Variants in CNTN4 observed in about 807,000 individuals in gnomAD.
CNTN4 encodes contactin-4.
Under a neutral mutation model 122.5 loss-of-function variants are expected in CNTN4, and 77 were observed. That is an observed-to-expected ratio of 0.63 (90% CI 0.52 to 0.76). The LOEUF (loss-of-function observed/expected upper bound fraction) is 0.76. Among genes scored for constraint, CNTN4 ranks in the 30% least tolerant of loss-of-function variants. The pLI is 0.00. For missense variants in CNTN4, 1,256 were observed against 1,259.1 expected (o/e 1.00, Z 0.04); for synonymous variants, 512 against 447.0 (o/e 1.15, Z -1.83).
chr3:2,512,479 A>AT (rs1394087889), intron 3 of CNTN4, among the ~76,000 whole-genome samples: 1 of 152,180 alleles, frequency 6.6e-6, no homozygotes, highest in South Asian at 2.1e-4. Context: ...TGCTATTAGA[A>AT]TTTAATATTG....
At position 2,638,732 on chromosome 3, in the gene CNTN4, C is replaced by T. The variant is rs537239480; in HGVS notation, c.55+67174C>T. Among the ~76,000 whole-genome samples the T allele has an allele frequency of 6.6e-5, 10 of 152,204 alleles. No homozygotes were observed. In the South Asian group the frequency reaches 2.1e-3, roughly 32 times the overall value. On this transcript the variant is annotated intron_variant, in intron 4 of 24. Transcript: ENST00000418658. ...CTTGTTGACCTGACCTCCTCTTTTT[C>T]TCCCCCAAACCTGTGTCACCTGCAC... is the stretch of plus-strand genomic sequence containing the variant.
intron 2 of CNTN4, among the ~76,000 whole-genome samples, chr3:2,155,659 A>C (rs2035687065): frequency 6.6e-6 from 1 of 152,188 alleles, no homozygotes; most frequent in Non-Finnish European, 1.5e-5. Flanking sequence ...CTATCCAAGC[A>C]CCATGAGATT....
At chr3:2,917,120 C>T (rs1577261979) in intron 12 of CNTN4, among the ~76,000 whole-genome samples, 1 of 137,776 alleles carries the variant, frequency 7.3e-6, no homozygotes, top group Non-Finnish European at 1.6e-5. Flanking sequence ...GCCAACACGG[C>T]GAAACCCCGT....
intron 3 of CNTN4, among the ~76,000 whole-genome samples, chr3:2,532,294 C>T (rs1010726028): frequency 2.0e-5 from 3 of 151,870 alleles, no homozygotes; most frequent in African/African-American, 7.3e-5. Context: ...ACCCTGTCAC[C>T]CTGGGCTGGA....
chr3:2,832,833 A>C (rs2093132867), intron 7 of CNTN4, among the ~76,000 whole-genome samples: 1 of 152,230 alleles, frequency 6.6e-6, no homozygotes, highest in Non-Finnish European at 1.5e-5. Flanking sequence ...CCGTGCAGTC[A>C]ATTTATAGAA....
At chr3:2,207,771 A>G (rs1167843079) in intron 2 of CNTN4, among the ~76,000 whole-genome samples, 3 of 151,978 alleles carry the variant, frequency 2.0e-5, no homozygotes, top group Non-Finnish European at 4.4e-5. Flanking sequence ...TAGATGAAGC[A>G]TCCTTCTATT....
In CNTN4 at chr3:2,866,403, G is replaced by T; in HGVS notation, c.455-349G>T. ...CAGCATTACTATATCAAGATTATAG[G>T]CACCCTGGGTCTGTAATTTGAGCAT... is the stretch of plus-strand genomic sequence containing the variant. On this transcript the variant is annotated intron_variant, in intron 7 of 24. Coordinates refer to ENST00000418658, the MANE Select transcript of CNTN4 (RefSeq NM_175607.3). 1.9e-6 allele frequency: 2 copies of T among 1,058,912 alleles called. 1 individual carries two copies. The highest frequency in any genetic ancestry group is 2.3e-6 in the Non-Finnish European group (2 of 863,794). 65.6% of individuals were successfully genotyped at this position (1,058,912 alleles called of 1,614,324 possible).
chr3:2,683,361 G>T (rs1338202312), intron 4 of CNTN4, among the ~76,000 whole-genome samples: 1 of 151,728 alleles, frequency 6.6e-6, no homozygotes, highest in African/African-American at 2.4e-5. Context: ...CACGCAGGTG[G>T]ATAGTCTCAG....
chr3:2,893,308 A>G (rs945610270), intron 10 of CNTN4, among the ~76,000 whole-genome samples: 2 of 152,220 alleles, frequency 1.3e-5, no homozygotes, highest in African/African-American at 2.4e-5. Context: ...ACAGCAGAGC[A>G]TACTAATTCC....
At chr3:2,675,940 T>G (rs1248490998) in intron 4 of CNTN4, among the ~76,000 whole-genome samples, 1 of 152,186 alleles carries the variant, frequency 6.6e-6, no homozygotes, top group Non-Finnish European at 1.5e-5. Flanking sequence ...TTAGAAAAGT[T>G]AAACAACTCA....
chr3:2,138,488 T>C (rs1413060204), intron 2 of CNTN4, among the ~76,000 whole-genome samples: 3 of 152,154 alleles, frequency 2.0e-5, no homozygotes, highest in Non-Finnish European at 1.5e-5. Context: ...GGATAAAACA[T>C]TGTTTCTGGG....
chr3:2,866,703 G>A (rs780326374), intron 7 of CNTN4, 49 bp from the exon 8 acceptor site: 1 of 1,513,792 alleles, frequency 6.6e-7, no homozygotes, highest in Admixed American at 1.7e-5. Flanking sequence ...AAACAGTAGA[G>A]TTCCAGTGCC....
chr3:2,244,305 T>C (rs1361405880), intron 2 of CNTN4, among the ~76,000 whole-genome samples: 1 of 152,082 alleles, frequency 6.6e-6, no homozygotes, highest in Admixed American at 6.6e-5. Context: ...ATTTTTGGAC[T>C]GTGGGTGACC....
At chr3:2,621,622 T>A (rs2081994283) in intron 4 of CNTN4, among the ~76,000 whole-genome samples, 1 of 152,050 alleles carries the variant, frequency 6.6e-6, no homozygotes, top group South Asian at 2.1e-4. Context: ...GTTCTGCACA[T>A]GTACCCCAGA....
intron 2 of CNTN4, among the ~76,000 whole-genome samples, chr3:2,289,119 G>C (rs1488084369): frequency 6.6e-6 from 1 of 152,160 alleles, no homozygotes; most frequent in Non-Finnish European, 1.5e-5. Flanking sequence ...TACATTTATA[G>C]TTTTAAACAG....
At chr3:2,702,869 C>T (rs558532740) in intron 4 of CNTN4, among the ~76,000 whole-genome samples, 4 of 152,162 alleles carry the variant, frequency 2.6e-5, no homozygotes, top group South Asian at 4.1e-4. Context: ...TAGTTTGTTC[C>T]GTATACAGCA....
intron 3 of CNTN4, among the ~76,000 whole-genome samples, chr3:2,425,699 A>G (rs984650228): frequency 4.6e-5 from 7 of 152,182 alleles, no homozygotes; most frequent in Non-Finnish European, 8.8e-5. Context: ...CTTCCTATCC[A>G]TGAGCATGGA....
intron 3 of CNTN4, among the ~76,000 whole-genome samples, chr3:2,484,484 C>A (rs1350498068): frequency 1.3e-5 from 2 of 152,000 alleles, no homozygotes; most frequent in African/African-American, 4.8e-5. Context: ...ACTGTGTATT[C>A]CATGTGAGGA....
At chr3:2,774,600 G>A (rs2091241281) in intron 6 of CNTN4, among the ~76,000 whole-genome samples, 1 of 151,946 alleles carries the variant, frequency 6.6e-6, no homozygotes, top group Non-Finnish European at 1.5e-5. Flanking sequence ...TTCAGTTTTG[G>A]AAAACCTTCA....
Sources: allele counts gnomAD v4.1 joint callset (sites outside exome capture counted in the v4.1 genomes callset), GRCh38; gene constraint gnomAD v4.1.1; transcripts MANE v1.5; gene names NCBI Gene and HGNC (gene_info 2026-07-23, HGNC 2026-07-21).